TMEM232: variants seen among roughly 807,000 people sequenced by gnomAD.
The protein encoded by TMEM232 is transmembrane protein 232.
Under a neutral mutation model 78.8 loss-of-function variants are expected in TMEM232, and 80 were observed. The observed-to-expected ratio is 1.01, with a 90% CI of 0.85 to 1.22. TMEM232 has a LOEUF of 1.22. Ranked by LOEUF, TMEM232 falls within the 50% of genes most tolerant of loss-of-function variation. The pLI is 0.00. For missense variants in TMEM232, 881 were observed against 742.2 expected (o/e 1.19, Z -2.17); for synonymous variants, 297 against 254.3 (o/e 1.17, Z -1.60).
chr5:110,627,830 A>G lies in TMEM232; in HGVS notation c.552T>C (p.His184=). Residue 184 remains histidine, a synonymous_variant, in exon 6 of 14, where the codon CAT becomes CAC. Coordinates refer to ENST00000455884, the MANE Select transcript of TMEM232 (RefSeq NM_001039763.4). ...LRLFIFFLHG[H]LESFKQHLLR... is the part of the protein sequence containing the mutation. The stretch of plus-strand genomic sequence containing the variant: ...GTAAATGTTGTTTAAAACTTTCTAG[A>G]TGACCATGCAGGAAAAATATAAAAA... 6.5e-7 allele frequency: 1 copy of G among 1,538,070 alleles called. No homozygotes were observed. Among genetic ancestry groups the G allele is most frequent in the Non-Finnish European group, 8.7e-7 (1 of 1,143,498 alleles).
chr5:110,581,234 G>T (rs1320484251), intron 10 of TMEM232, among the ~76,000 whole-genome samples: 1 of 151,738 alleles, frequency 6.6e-6, no homozygotes, highest in Admixed American at 6.6e-5. Context: ...AGAGAACAAA[G>T]CCAGAGGCAT....
At chr5:110,611,756 C>T (rs1426700718) in intron 8 of TMEM232, among the ~76,000 whole-genome samples, 1 of 152,010 alleles carries the variant, frequency 6.6e-6, no homozygotes, top group Admixed American at 6.6e-5. Context: ...TAGTGTATGA[C>T]AGATTGTTGA....
rs146032048 is a variant in TMEM232, at chr5:110,636,265, G to T, written c.501+1933C>A. Among the ~76,000 whole-genome samples, 1,266 of 151,994 alleles carry T rather than the reference G, an allele frequency of 8.3e-3. 15 individuals carry two copies. Among genetic ancestry groups the T allele is most frequent in the African/African-American group, 0.029 (1,196 of 41,516 alleles). ...ATTATAGATATCAGAGACTAAAAAG[G>T]GTGGGTAAATGGGAGGGGAAAATAA... On this transcript the variant is annotated intron_variant, in intron 5 of 13. Transcript: ENST00000455884.
chr5:110,591,651 T>C (rs777623133), intron 10 of TMEM232, among the ~76,000 whole-genome samples: 46 of 152,156 alleles, frequency 3.0e-4, no homozygotes, highest in Non-Finnish European at 5.7e-4. Context: ...ACAGTATTCT[T>C]ATCATAATTA....
At chr5:110,394,247 C>T (rs1317576995) in intron 3 of TMEM232, among the ~76,000 whole-genome samples, 2 of 152,082 alleles carry the variant, frequency 1.3e-5, no homozygotes, top group Admixed American at 6.6e-5. Flanking sequence ...ACATAATAAC[C>T]TCCAATTGCA....
intron 12 of TMEM232, among the ~76,000 whole-genome samples, chr5:110,434,449 G>A (rs1437670070): frequency 2.0e-5 from 3 of 151,392 alleles, no homozygotes; most frequent in South Asian, 4.2e-4. Context: ...CCATTAAAAC[G>A]TTGAATAAGT....
chr5:110,475,248 A>AT (rs1032756844), intron 12 of TMEM232, among the ~76,000 whole-genome samples: 1 of 151,486 alleles, frequency 6.6e-6, no homozygotes, highest in African/African-American at 2.4e-5. Context: ...GAAAGCCTGT[A>AT]TTTTTTTTCT....
chr5:110,599,484 A>T (rs1476968503), intron 10 of TMEM232, among the ~76,000 whole-genome samples: 2 of 152,188 alleles, frequency 1.3e-5, no homozygotes, highest in Non-Finnish European at 2.9e-5. Context: ...ACATTTACCA[A>T]GCAAATGGAA....
chr5:110,399,378 G>A (rs972934607), intron 2 of TMEM232, among the ~76,000 whole-genome samples: 1 of 152,084 alleles, frequency 6.6e-6, no homozygotes, highest in African/African-American at 2.4e-5. Flanking sequence ...GAAGTTTTTT[G>A]AAATCTGTGG....
chr5:110,493,393 A>G (rs1277845026), intron 12 of TMEM232, among the ~76,000 whole-genome samples: 2 of 152,020 alleles, frequency 1.3e-5, no homozygotes, highest in Non-Finnish European at 1.5e-5. Context: ...AAAAAAAAAA[A>G]AAGTAAAATT....
chr5:110,389,183 C>T, intron 4 of TMEM232, among the ~76,000 whole-genome samples: 1 of 152,094 alleles, frequency 6.6e-6, no homozygotes, highest in Non-Finnish European at 1.5e-5. Context: ...ATCTCTTGAA[C>T]CTAGGAGGCG....
intron 8 of TMEM232, among the ~76,000 whole-genome samples, chr5:110,614,148 T>A (rs1207891697): frequency 6.6e-6 from 1 of 152,144 alleles, no homozygotes; most frequent in African/African-American, 2.4e-5. Context: ...TTTTTCACTT[T>A]ACTCTTCTGT....
chr5:110,433,924 A>G (rs995189905), intron 12 of TMEM232, among the ~76,000 whole-genome samples: 3 of 152,076 alleles, frequency 2.0e-5, no homozygotes, highest in South Asian at 2.1e-4. Context: ...CATCAGGGAT[A>G]TTAGCCTGTA....
At chr5:110,586,475 T>A (rs1778828626) in intron 10 of TMEM232, among the ~76,000 whole-genome samples, 1 of 152,014 alleles carries the variant, frequency 6.6e-6, no homozygotes, top group African/African-American at 2.4e-5. Flanking sequence ...AAATAGATAA[T>A]TAATTATCAA....
chr5:110,485,701 C>G (rs1289471920), intron 12 of TMEM232, among the ~76,000 whole-genome samples: 2 of 152,048 alleles, frequency 1.3e-5, no homozygotes, highest in African/African-American at 4.8e-5. Context: ...GTTTCTTTAT[C>G]CACTTGTTGA....
intron 10 of TMEM232, among the ~76,000 whole-genome samples, chr5:110,601,061 T>G (rs1255096812): frequency 1.3e-5 from 2 of 152,178 alleles, no homozygotes; most frequent in African/African-American, 4.8e-5. Flanking sequence ...AAAAGCCACA[T>G]GATTATCTCA....
chr5:110,555,481 GTTGT>G (rs1356336002), intron 11 of TMEM232, among the ~76,000 whole-genome samples: 1 of 152,184 alleles, frequency 6.6e-6, no homozygotes, highest in Non-Finnish European at 1.5e-5. Flanking sequence ...ATATTCTGGT[GTTGT>G]TTGAGGGAGT....
chr5:110,478,413 A>C (rs1763488600), intron 12 of TMEM232, among the ~76,000 whole-genome samples: 1 of 151,950 alleles, frequency 6.6e-6, no homozygotes, highest in Admixed American at 6.6e-5. Context: ...TATGCATGTA[A>C]AATGGAGAAT....
At chr5:110,398,165 T>A (rs1755464437) in intron 2 of TMEM232, among the ~76,000 whole-genome samples, 1 of 152,204 alleles carries the variant, frequency 6.6e-6, no homozygotes, top group African/African-American at 2.4e-5. Context: ...AGTTCTCACC[T>A]GTGTATATCC....
Sources: gnomAD v4.1 joint callset for allele counts (sites outside exome capture counted in the v4.1 genomes callset) on GRCh38, gnomAD v4.1.1 for gene constraint, MANE v1.5 for transcripts, NCBI Gene and HGNC (gene_info 2026-07-23, HGNC 2026-07-21) for gene names.